PTTG1IP: variants seen among roughly 807,000 people sequenced by gnomAD.
PTTG1IP encodes the protein pituitary tumor-transforming gene 1 protein-interacting protein.
PTTG1IP carries 16 observed loss-of-function variants against 24.4 expected under a neutral mutation model. The observed-to-expected ratio is 0.66, with a 90% CI of 0.44 to 1.00. The LOEUF (loss-of-function observed/expected upper bound fraction) is 1.00. Ranked by LOEUF, PTTG1IP falls within the 50% of genes least tolerant of loss-of-function variation. The probability of loss-of-function intolerance (pLI) is 0.00; values close to 1 mark genes in which losing one functional copy is unlikely to be tolerated. For missense variants in PTTG1IP, 241 were observed against 245.8 expected (o/e 0.98, Z 0.13); for synonymous variants, 89 against 96.8 (o/e 0.92, Z 0.47).
rs186080814 is a variant in PTTG1IP, at chr21:44,862,548, G to A, written c.169-1277C>T. Among the ~76,000 whole-genome samples the A allele has an allele frequency of 1.4e-4, 21 of 152,184 alleles. No homozygotes were observed. In the East Asian group the frequency reaches 2.3e-3, roughly 17 times the overall value. ...AGGAAAAAAAAAAGAACTGCCGTTCGGCAGCACCTCATGCGCCAGCCCAAG... is the reference window on the plus strand; with the variant it reads ...AGGAAAAAAAAAAGAACTGCCGTTCAGCAGCACCTCATGCGCCAGCCCAAG... On this transcript the variant is annotated intron_variant, in intron 2 of 5. Coordinates refer to ENST00000330938, the MANE Select transcript of PTTG1IP (RefSeq NM_004339.4).
chr21:44,866,679 T>C (rs887517013), intron 1 of PTTG1IP, among the ~76,000 whole-genome samples: 5 of 87,386 alleles, frequency 5.7e-5, no homozygotes, highest in African/African-American at 1.5e-4. Context: ...TCCAATCCCA[T>C]AACACACACA....
intron 1 of PTTG1IP, among the ~76,000 whole-genome samples, chr21:44,868,286 T>TG (rs1190770028): frequency 6.6e-6 from 1 of 152,202 alleles, no homozygotes; most frequent in Non-Finnish European, 1.5e-5. Flanking sequence ...AAGACCCCCG[T>TG]GGTGCTGCAA....
At chr21:44,869,989 C>T (rs1280508072) in intron 1 of PTTG1IP, among the ~76,000 whole-genome samples, 2 of 152,166 alleles carry the variant, frequency 1.3e-5, no homozygotes, top group East Asian at 3.8e-4. Context: ...CCATCTATCC[C>T]CAGACCTCTG....
At chr21:44,854,351 A>T (rs1601243101) in intron 5 of PTTG1IP, among the ~76,000 whole-genome samples, 1 of 152,378 alleles carries the variant, frequency 6.6e-6, no homozygotes, top group Non-Finnish European at 1.5e-5. Flanking sequence ...CCGTGGGCGC[A>T]GGACGACAGA....
intron 3 of PTTG1IP, among the ~76,000 whole-genome samples, chr21:44,857,538 A>ACCTCT (rs2083458657): frequency 1.3e-5 from 2 of 152,218 alleles, no homozygotes; most frequent in African/African-American, 4.8e-5. Flanking sequence ...TTTATAAGCA[A>ACCTCT]ACTCCCCTGG....
chr21:44,853,507 CAAAA>C (rs35396285), intron 5 of PTTG1IP, among the ~76,000 whole-genome samples: 3 of 94,810 alleles, frequency 3.2e-5, no homozygotes, highest in Admixed American at 2.2e-4. Flanking sequence ...GACTCCGTCT[CAAAA>C]AAAAAAAAAA....
At chr21:44,866,657 CAG>C (rs140772573) in intron 1 of PTTG1IP, among the ~76,000 whole-genome samples, 2 of 141,838 alleles carry the variant, frequency 1.4e-5, no homozygotes, top group Non-Finnish European at 3.0e-5. Flanking sequence ...CACACACACA[CAG>C]ACTGCCTACT....
intron 5 of PTTG1IP, among the ~76,000 whole-genome samples, chr21:44,853,804 G>A (rs888567084): frequency 2.0e-5 from 3 of 152,214 alleles, no homozygotes; most frequent in African/African-American, 4.8e-5. Flanking sequence ...CCAAGCACAC[G>A]GCACTCAGGA....
At chr21:44,857,380 G>A (rs2083457378) in intron 3 of PTTG1IP, among the ~76,000 whole-genome samples, 1 of 152,198 alleles carries the variant, frequency 6.6e-6, no homozygotes, top group South Asian at 2.1e-4. Flanking sequence ...CCAGCGACAT[G>A]GGAGGCTGAG....
intron 5 of PTTG1IP, 152 bp from the exon 6 acceptor site, chr21:44,851,779 T>G: frequency 1.2e-6 from 1 of 860,436 alleles, no homozygotes; most frequent in East Asian, 2.8e-5. Flanking sequence ...GCTTAACCTT[T>G]TTTGAAGTCA....
Position 44,863,770 on chromosome 21 carries a change from T to C in PTTG1IP, c.168+1625A>G, listed in dbSNP as rs548833571. Among the ~76,000 whole-genome samples, 12 of 152,294 alleles carry C rather than the reference T, an allele frequency of 7.9e-5. 1 individual carries two copies. Among genetic ancestry groups the C allele is most frequent in the East Asian group, 5.8e-4 (3 of 5,192 alleles). On this transcript the variant is annotated intron_variant, in intron 2 of 5. Coordinates refer to ENST00000330938, the MANE Select transcript of PTTG1IP (RefSeq NM_004339.4). The stretch of plus-strand genomic sequence containing the variant: ...ATTAGAGCAGGTTCAACATCACCAA[T>C]GTCAAGATCTGAAACCACAGAAACA...
Position 44,855,201 on chromosome 21 carries a change from A to G in PTTG1IP, c.496+9T>C. 1 of 1,606,622 alleles carries G rather than the reference A, an allele frequency of 6.2e-7. No homozygotes were observed. ...AACCAGACAAAAAGGAGGCGTGACC[A>G]GTCCTTACCATATTTTTTTCTGATT... On this transcript the variant is annotated intron_variant, in intron 5 of 5. Transcript: ENST00000330938.
intron 2 of PTTG1IP, among the ~76,000 whole-genome samples, chr21:44,862,836 G>T (rs1461546398): frequency 6.6e-6 from 1 of 152,200 alleles, no homozygotes; most frequent in Non-Finnish European, 1.5e-5. Context: ...TCATTTGGGA[G>T]TATCTTCCAT....
chr21:44,865,107 C>G (rs2083525276), intron 2 of PTTG1IP, among the ~76,000 whole-genome samples: 1 of 152,220 alleles, frequency 6.6e-6, no homozygotes, highest in Non-Finnish European at 1.5e-5. Context: ...AAATTTCTCG[C>G]TATGGGCCTC....
At chr21:44,853,266 G>C (rs1379970288) in intron 5 of PTTG1IP, among the ~76,000 whole-genome samples, 2 of 152,194 alleles carry the variant, frequency 1.3e-5, no homozygotes, top group Admixed American at 1.3e-4. Flanking sequence ...CCAGCACTCT[G>C]GGAGGCCGAG....
chr21:44,866,555 AAC>A (rs200176468), intron 1 of PTTG1IP, among the ~76,000 whole-genome samples: 13 of 117,672 alleles, frequency 1.1e-4, no homozygotes, highest in African/African-American at 2.6e-4. Context: ...CCAATCCCGT[AAC>A]ACACACACAG....
At chr21:44,858,183 T>C (rs1372026633) in intron 3 of PTTG1IP, among the ~76,000 whole-genome samples, 5 of 152,384 alleles carry the variant, frequency 3.3e-5, no homozygotes, top group African/African-American at 1.2e-4. Context: ...GCCAACGCTG[T>C]AGACATTTCA....
At chr21:44,863,127 G>GAC (rs1231473202) in intron 2 of PTTG1IP, among the ~76,000 whole-genome samples, 4 of 86,720 alleles carry the variant, frequency 4.6e-5, no homozygotes, top group Admixed American at 1.1e-4. Context: ...GCAGCACAGA[G>GAC]ACACAGCCCA....
At chr21:44,861,399 T>A (rs235276) in intron 2 of PTTG1IP, 128 bp from the exon 3 acceptor site, 5 of 717,684 alleles carry the variant, frequency 7.0e-6, no homozygotes, top group Non-Finnish European at 1.2e-5. Context: ...AACCTCCCCC[T>A]CAACGCCTCA....
Sources: allele counts gnomAD v4.1 joint callset (sites outside exome capture counted in the v4.1 genomes callset), GRCh38; gene constraint gnomAD v4.1.1; transcripts MANE v1.5; gene names NCBI Gene and HGNC (gene_info 2026-07-23, HGNC 2026-07-21).